The following TBC1D5 variants were observed in gnomAD, a reference collection of about 807,000 sequenced individuals.
The protein encoded by TBC1D5 is TBC1 domain family, member 5.
A neutral mutation model predicts 100.3 loss-of-function variants in TBC1D5; 75 were observed. The observed-to-expected ratio is 0.75, with a 90% CI of 0.62 to 0.91. The LOEUF (loss-of-function observed/expected upper bound fraction) is 0.91, where lower values mean the gene tolerates loss of function less well. Ranked by LOEUF, TBC1D5 falls within the 40% of genes least tolerant of loss-of-function variation. TBC1D5 has a pLI of 0.00. For synonymous variants in TBC1D5, 323 were observed against 325.6 expected, an observed-to-expected ratio of 0.99 and a Z score of 0.09; for missense variants, 910 against 942.4, an observed-to-expected ratio of 0.97 and a Z score of 0.45.
At chr3:17,498,801 T>A (rs1313982970) in intron 3 of TBC1D5, among the ~76,000 whole-genome samples, 1 of 152,124 alleles carries the variant, frequency 6.6e-6, no homozygotes, top group African/African-American at 2.4e-5. Flanking sequence ...AATATCTACA[T>A]GTAGTGTTAG....
intron 2 of TBC1D5, among the ~76,000 whole-genome samples, chr3:17,569,609 C>CA (rs1171742124): frequency 6.6e-6 from 1 of 151,172 alleles, no homozygotes; most frequent in Non-Finnish European, 1.5e-5. Flanking sequence ...AATAAAAAAA[C>CA]AAGAGGACTG....
intron 19 of TBC1D5, among the ~76,000 whole-genome samples, chr3:17,173,613 G>A (rs1050778366): frequency 6.6e-6 from 1 of 152,092 alleles, no homozygotes; most frequent in Non-Finnish European, 1.5e-5. Flanking sequence ...TTCTATTTCT[G>A]CATACTGTCT....
intron 1 of TBC1D5, among the ~76,000 whole-genome samples, chr3:17,706,931 GTTA>G (rs1460453233): frequency 1.3e-5 from 2 of 150,196 alleles, no homozygotes; most frequent in African/African-American, 2.5e-5. Flanking sequence ...AGAGATATAG[GTTA>G]TTATTTTTGC....
At chr3:17,659,897 T>G (rs1256218304) in intron 1 of TBC1D5, among the ~76,000 whole-genome samples, 1 of 152,148 alleles carries the variant, frequency 6.6e-6, no homozygotes, top group African/African-American at 2.4e-5. Flanking sequence ...CAATTATACT[T>G]TAATACTTGA....
At chr3:17,357,449 A>G (rs2091315676) in intron 13 of TBC1D5, among the ~76,000 whole-genome samples, 1 of 152,154 alleles carries the variant, frequency 6.6e-6, no homozygotes, top group African/African-American at 2.4e-5. Flanking sequence ...AAAAATAATG[A>G]TAGGATTTGG....
intron 2 of TBC1D5, among the ~76,000 whole-genome samples, chr3:17,565,506 A>C (rs1407008334): frequency 1.3e-5 from 2 of 152,162 alleles, no homozygotes; most frequent in Admixed American, 1.3e-4. Flanking sequence ...TCCAAAGGGC[A>C]AAGTGATATG....
At chr3:17,163,379 A>G (rs763698025) in intron 21 of TBC1D5, among the ~76,000 whole-genome samples, 1 of 152,132 alleles carries the variant, frequency 6.6e-6, no homozygotes, top group South Asian at 2.1e-4. Context: ...ACTCCCACCT[A>G]GAATTTTTTT....
At chr3:17,630,908 G>T (rs1354561168) in intron 1 of TBC1D5, among the ~76,000 whole-genome samples, 1 of 151,434 alleles carries the variant, frequency 6.6e-6, no homozygotes, top group Non-Finnish European at 1.5e-5. Flanking sequence ...GCCGGGTGTG[G>T]TTGCGGGGGC....
At chr3:17,525,287 A>T (rs1024840099) in intron 2 of TBC1D5, among the ~76,000 whole-genome samples, 2 of 151,796 alleles carry the variant, frequency 1.3e-5, no homozygotes, top group African/African-American at 2.4e-5. Context: ...CCGCCACCAT[A>T]CCCAGCTAAT....
chr3:17,721,738 T>C (rs761831392), intron 1 of TBC1D5, among the ~76,000 whole-genome samples: 32 of 151,490 alleles, frequency 2.1e-4, no homozygotes, highest in Non-Finnish European at 7.4e-5. Context: ...CCTAGCACTT[T>C]GGGAAGCCGA....
chr3:17,407,628 C>T (rs1400602344), intron 4 of TBC1D5, among the ~76,000 whole-genome samples: 1 of 152,072 alleles, frequency 6.6e-6, no homozygotes, highest in Non-Finnish European at 1.5e-5. Flanking sequence ...GAACTGTACA[C>T]AAAAATTTCA....
At position 17,530,230 on chromosome 3, in the gene TBC1D5, C is replaced by T. The variant is rs552205779; in HGVS notation, c.-35-21625G>A. Among the ~76,000 whole-genome samples, 37 of 133,006 alleles carry T rather than the reference C, an allele frequency of 2.8e-4. No homozygotes were observed. The South Asian group carries it at 7.4e-3, about 27-fold the overall frequency. 87.3% of individuals were successfully genotyped at this position (133,006 alleles called of 152,430 possible). A position where few individuals can be genotyped will look rare whatever the true frequency, so the allele number is the denominator to read the frequency against. On this transcript the variant is annotated intron_variant, in intron 2 of 21. Coordinates refer to ENST00000253692, the Ensembl canonical transcript of TBC1D5. ...CTGCATTCCAGTCTGGGCGACAGAG[C>T]GAGACTTCGTCTCAAAAAAAAAAAA...
At chr3:17,329,856 G>A (rs2086658460) in intron 13 of TBC1D5, among the ~76,000 whole-genome samples, 1 of 152,062 alleles carries the variant, frequency 6.6e-6, no homozygotes, top group Admixed American at 6.6e-5. Context: ...CTCCTACCTT[G>A]CCAATATCCA....
At chr3:17,166,913 T>C in exon 21 of TBC1D5, 2 of 1,605,208 alleles carry the variant, frequency 1.2e-6, no homozygotes, top group Middle Eastern at 3.3e-4. Flanking sequence ...AGGGAACCTT[T>C]TAGAATGTCT....
chr3:17,636,158 G>C (rs760756743), intron 1 of TBC1D5, among the ~76,000 whole-genome samples: 2 of 152,026 alleles, frequency 1.3e-5, no homozygotes, highest in Non-Finnish European at 2.9e-5. Flanking sequence ...CTGTACTCTA[G>C]CCTGGGTGAT....
At chr3:17,501,093 TA>T (rs1259294248) in intron 3 of TBC1D5, among the ~76,000 whole-genome samples, 3 of 149,738 alleles carry the variant, frequency 2.0e-5, no homozygotes, top group Non-Finnish European at 4.4e-5. Context: ...CTCTCCTATT[TA>T]TTTAACAATC....
intron 2 of TBC1D5, among the ~76,000 whole-genome samples, chr3:17,566,533 C>T (rs182226332): frequency 6.6e-6 from 1 of 151,910 alleles, no homozygotes; most frequent in Non-Finnish European, 1.5e-5. Context: ...AAACACTGAT[C>T]ATCAATTTCA....
intron 14 of TBC1D5, among the ~76,000 whole-genome samples, chr3:17,297,274 T>C (rs1011203659): frequency 6.6e-6 from 1 of 152,224 alleles, no homozygotes; most frequent in Non-Finnish European, 1.5e-5. Context: ...TGAGATGATA[T>C]AGCGTAAAAA....
intron 1 of TBC1D5, among the ~76,000 whole-genome samples, chr3:17,651,318 C>T (rs923776366): frequency 6.6e-6 from 1 of 152,126 alleles, no homozygotes; most frequent in Non-Finnish European, 1.5e-5. Context: ...AAGAAAACAG[C>T]TTTACGATCA....
Sources: gnomAD v4.1 joint callset for allele counts (sites outside exome capture counted in the v4.1 genomes callset) on GRCh38, gnomAD v4.1.1 for gene constraint, MANE v1.5 for transcripts, NCBI Gene and HGNC (gene_info 2026-07-23, HGNC 2026-07-21) for gene names.